TOPAZ1: variants seen among roughly 807,000 people sequenced by gnomAD.
TOPAZ1 encodes protein TOPAZ1.
TOPAZ1 carries 66 observed loss-of-function variants against 172.2 expected under a neutral mutation model. That is an observed-to-expected ratio of 0.38 (90% confidence interval 0.31 to 0.47). The LOEUF (loss-of-function observed/expected upper bound fraction) is 0.47, where lower values mean the gene tolerates loss of function less well. Among genes scored for constraint, TOPAZ1 ranks in the 20% least tolerant of loss-of-function variants. The probability of loss-of-function intolerance (pLI) is 0.99; values close to 1 mark genes in which losing one functional copy is unlikely to be tolerated. For missense variants in TOPAZ1, 1,822 were observed against 1,972.4 expected (o/e 0.92, Z 1.44); for synonymous variants, 681 against 683.9 (o/e 1.00, Z 0.07).
intron 8 of TOPAZ1, among the ~76,000 whole-genome samples, chr3:44,279,748 G>A (rs1293965531): frequency 6.6e-6 from 1 of 152,036 alleles, no homozygotes; most frequent in Non-Finnish European, 1.5e-5. Flanking sequence ...ATTGGATCAT[G>A]TTTGTTTAAT....
At position 44,243,409 on chromosome 3, in the gene TOPAZ1, C is replaced by G; in HGVS notation, c.903C>G (p.Tyr301Ter). Reference protein sequence around the residue: ...NKLLPEESDLYQSKTNGLLSC... With the variant: ...NKLLPEESDL ...TACTACCAGAAGAGAGTGATTTATA[C>G]CAAAGTAAAACCAATGGCTTGCTTT... Residue 301 changes from tyrosine (Y) to a stop codon, truncating the protein, a stop_gained, in exon 2 of 20, where the codon TAC becomes TAG. Coordinates refer to ENST00000309765, the MANE Select transcript of TOPAZ1 (RefSeq NM_001145030.2). LOFTEE classifies it high-confidence loss of function. 6.4e-7 allele frequency: 1 copy of G among 1,551,290 alleles called. No homozygotes were observed. The highest frequency in any genetic ancestry group is 8.7e-7 in the Non-Finnish European group (1 of 1,146,864).
At chr3:44,290,476 C>T (rs1700124850) in intron 11 of TOPAZ1, among the ~76,000 whole-genome samples, 2 of 152,148 alleles carry the variant, frequency 1.3e-5, no homozygotes, top group Admixed American at 1.3e-4. Context: ...GGTATGAATA[C>T]CAGTCCTAGA....
In TOPAZ1 at chr3:44,244,434, C is replaced by A. The variant is rs772641733; in HGVS notation, c.1928C>A (p.Ala643Glu). The change falls in exon 2 of 20, where the codon GCG becomes GAG. Residue 643 changes from alanine (A) to glutamate (E), a missense_variant. Around this residue, in one of 2 missense-constraint regions of TOPAZ1, gnomAD observed 1,489 missense variants for 1,490.8 expected, o/e 1.00. Coordinates refer to ENST00000309765, the MANE Select transcript of TOPAZ1 (RefSeq NM_001145030.2). ...AATTTAACGAAACTTAATTTGACAG[C>A]GACTTCCAAAGATGGTCAGGAAGCA... Reference protein sequence around the residue: ...RGNLTKLNLTATSKDGQEANN... With the variant: ...RGNLTKLNLTETSKDGQEANN... 1.9e-6 allele frequency: 3 copies of A among 1,551,140 alleles called. No individual in the cohort carries two copies. The African/African-American group carries it at 4.1e-5, about 21-fold the overall frequency.
chr3:44,267,090 T>A lies in TOPAZ1; in HGVS notation c.3114T>A (p.Asn1038Lys). Residue 1038 changes from asparagine (N) to lysine (K), a missense_variant, in exon 6 of 20, where the codon AAT becomes AAA. By Grantham distance (94) the Asn-to-Lys change is moderately conservative. Coordinates refer to ENST00000309765, the MANE Select transcript of TOPAZ1 (RefSeq NM_001145030.2). The stretch of plus-strand genomic sequence containing the variant: ...TGTGTTTATTAGTACCTCCTTTGAA[T>A]CTAAGTGGTCGTCAAGAAGACACAA... ...KPLCLLVPPL[N>K]LSGRQEDTIL... 2 of 1,547,176 alleles carry A rather than the reference T, an allele frequency of 1.3e-6. No homozygotes were observed. Among genetic ancestry groups the A allele is most frequent in the South Asian group, 1.2e-5 (1 of 83,118 alleles).
chr3:44,247,757 C>A (rs1425251584), intron 2 of TOPAZ1, among the ~76,000 whole-genome samples: 2 of 152,206 alleles, frequency 1.3e-5, no homozygotes, highest in Admixed American at 6.5e-5. Flanking sequence ...TCAAGCAATT[C>A]TCCTGCCCTG....
chr3:44,326,492 G>T (rs1046429845), intron 18 of TOPAZ1, among the ~76,000 whole-genome samples: 9 of 150,618 alleles, frequency 6.0e-5, no homozygotes, highest in Non-Finnish European at 8.9e-5. Flanking sequence ...CTTTTTTTTT[G>T]ATTGGGTTTT....
At position 44,243,664 on chromosome 3, in the gene TOPAZ1, T is replaced by C; in HGVS notation, c.1158T>C (p.His386=). ...TAAATGTTTTGAGAAAAGTAAGCCA[T>C]AATACAGTCTCTTTGATGGATCATT... ...SPLNVLRKVS[H]NTVSLMDHLL... Residue 386 remains histidine, a synonymous_variant, in exon 2 of 20, where the codon CAT becomes CAC. Coordinates refer to ENST00000309765, the MANE Select transcript of TOPAZ1 (RefSeq NM_001145030.2). 1 of 1,550,220 alleles carries C rather than the reference T, an allele frequency of 6.5e-7. No homozygotes were observed. Among genetic ancestry groups the C allele is most frequent in the Non-Finnish European group, 8.7e-7 (1 of 1,146,928 alleles).
rs1482792735 is a variant in TOPAZ1 at position 44,244,379 on chromosome 3, T to C, written c.1873T>C (p.Leu625=). 1.3e-6 allele frequency: 2 copies of C among 1,550,920 alleles called. No individual in the cohort carries two copies. The highest frequency in any genetic ancestry group is 1.7e-6 in the Non-Finnish European group (2 of 1,146,792). Residue 625 remains leucine (L), a synonymous_variant, in exon 2 of 20, where the codon TTA becomes CTA. Transcript: ENST00000309765. The stretch of plus-strand genomic sequence containing the variant: ...TCAATTAACCAGTGAGACTCAAAGC[T>C]TAACGGGAAATAAAAAAAAAGCTAG... The part of the protein sequence containing the change: ...DTQLTSETQS[L]TGNKKKARGN...
At chr3:44,285,657 C>A (rs903137740) in intron 9 of TOPAZ1, among the ~76,000 whole-genome samples, 1 of 151,672 alleles carries the variant, frequency 6.6e-6, no homozygotes, top group African/African-American at 2.4e-5. Flanking sequence ...GCAACCTCCG[C>A]CTCCTGGGTT....
chr3:44,242,447 G>A (rs1451052809), intron 1 of TOPAZ1, 48 bp downstream of exon 1: 10 of 1,528,284 alleles, frequency 6.5e-6, no homozygotes, highest in Admixed American at 2.0e-5. Flanking sequence ...GTACCTCAGC[G>A]TGCTCCATCT....
chr3:44,279,703 T>C (rs1202866878), intron 8 of TOPAZ1, among the ~76,000 whole-genome samples: 1 of 152,180 alleles, frequency 6.6e-6, no homozygotes, highest in Non-Finnish European at 1.5e-5. Flanking sequence ...TATGTGTCTT[T>C]ACAGGTGAGA....
chr3:44,244,735 A>G lies in TOPAZ1; in HGVS notation c.2229A>G (p.Gln743=), dbSNP rs1477749860. 6.4e-7 allele frequency: 1 copy of G among 1,551,460 alleles called. No homozygotes were observed. Among genetic ancestry groups the G allele is most frequent in the South Asian group, 1.2e-5 (1 of 84,058 alleles). ...TCTCCATGATGATGTTAGGACCTCAAACTTTGAGCATACGAAATAGTGTAA... is the reference window on the plus strand; with the variant it reads ...TCTCCATGATGATGTTAGGACCTCAGACTTTGAGCATACGAAATAGTGTAA... The part of the protein sequence containing the change: ...ENVSMMMLGP[Q]TLSIRNSVTP... The change falls in exon 2 of 20, where the codon CAA becomes CAG. Residue 743 remains glutamine (Q), a synonymous_variant. Coordinates refer to ENST00000309765, the MANE Select transcript of TOPAZ1 (RefSeq NM_001145030.2).
intron 8 of TOPAZ1, 84 bp from the exon 9 acceptor site, chr3:44,281,884 A>C (rs1210113295): frequency 1.2e-6 from 1 of 824,534 alleles, no homozygotes; most frequent in Non-Finnish European, 1.9e-6. Flanking sequence ...ATTTCAATAT[A>C]AGCAAAAAGA....
intron 3 of TOPAZ1, among the ~76,000 whole-genome samples, chr3:44,255,395 G>A (rs1441182313): frequency 6.6e-6 from 1 of 152,052 alleles, no homozygotes; most frequent in African/African-American, 2.4e-5. Flanking sequence ...GCTCATGCCT[G>A]TAATCCCAGC....
At chr3:44,261,341 G>A (rs1267521400) in intron 4 of TOPAZ1, among the ~76,000 whole-genome samples, 1 of 152,074 alleles carries the variant, frequency 6.6e-6, no homozygotes, top group Non-Finnish European at 1.5e-5. Flanking sequence ...TTTGCATATG[G>A]GAAAAGAAGG....
At chr3:44,319,719 A>G (rs982447160) in intron 16 of TOPAZ1, among the ~76,000 whole-genome samples, 1 of 152,216 alleles carries the variant, frequency 6.6e-6, no homozygotes, top group Non-Finnish European at 1.5e-5. Context: ...GAACATTCCT[A>G]ACACATAGTA....
At chr3:44,278,657 A>C (rs1293827446) in intron 8 of TOPAZ1, among the ~76,000 whole-genome samples, 1 of 151,892 alleles carries the variant, frequency 6.6e-6, no homozygotes, top group Non-Finnish European at 1.5e-5. Flanking sequence ...GTCTCTGATG[A>C]TCTTTTTATA....
chr3:44,248,264 T>G (rs1699589317), intron 2 of TOPAZ1, among the ~76,000 whole-genome samples: 1 of 152,232 alleles, frequency 6.6e-6, no homozygotes, highest in Admixed American at 6.5e-5. Flanking sequence ...GGTAATTATA[T>G]ATCACTTTTT....
intron 8 of TOPAZ1, among the ~76,000 whole-genome samples, chr3:44,277,690 T>C (rs1000926437): frequency 6.6e-6 from 1 of 152,170 alleles, no homozygotes; most frequent in Non-Finnish European, 1.5e-5. Context: ...TGGAAGGTGT[T>C]TGGGTGATGG....
Sources: gnomAD v4.1 joint callset for allele counts (sites outside exome capture counted in the v4.1 genomes callset) on GRCh38, gnomAD v4.1.1 for gene constraint, gnomAD v4.1.1 regional missense constraint, MANE v1.5 for transcripts, NCBI Gene and HGNC (gene_info 2026-07-23, HGNC 2026-07-21) for gene names.